TOM1: variants seen among roughly 807,000 people sequenced by gnomAD.
TOM1 encodes target of myb1 membrane trafficking protein.
In TOM1, 38 loss-of-function variants were observed where a neutral mutation model predicts 61.3. The ratio of observed to expected loss-of-function variants is 0.62; its 90% CI spans 0.48 to 0.81. The LOEUF (loss-of-function observed/expected upper bound fraction) is 0.81, where lower values mean the gene tolerates loss of function less well. TOM1 is among the 40% of genes least tolerant of loss of function. TOM1 has a pLI of 0.00. For missense variants in TOM1, 591 were observed against 659.6 expected (o/e 0.90, Z 1.14); for synonymous variants, 270 against 268.8 (o/e 1.00, Z -0.04).
rs199988305 is a variant in TOM1, at chr22:35,323,920, C to T, written c.648+6C>T. The T allele has an allele frequency of 6.1e-5, 94 of 1,549,536 alleles. 1 individual carries two copies. The East Asian group carries it at 1.4e-3, about 22-fold the overall frequency. The stretch of plus-strand genomic sequence containing the variant: ...TAGCACCAACCCCGGAACAGGTAAA[C>T]GAGCCTGGGGTCAGAACCGTCAGGT... On this transcript the variant is annotated splice_donor_region_variant and intron_variant, in intron 6 of 14. Transcript: ENST00000449058. The surrounding 1 kb of genome is among the most constrained non-coding windows in gnomAD (Gnocchi z 4.2).
Position 35,317,962 on chromosome 22 carries a change from G to T in TOM1, c.137+1G>T, listed in dbSNP as rs776356471. 6.2e-7 allele frequency: 1 copy of T among 1,613,726 alleles called. No homozygotes were observed. The highest frequency in any genetic ancestry group is 8.5e-7 in the Non-Finnish European group (1 of 1,179,630). The stretch of plus-strand genomic sequence containing the variant: ...ACATCATCAACGAGACGGAGGAAGG[G>T]TAAGGGCCCCCCAAGGAGAGGTTGG... On this transcript the variant is annotated splice_donor_variant, in intron 2 of 14. Coordinates refer to ENST00000449058, the MANE Select transcript of TOM1 (RefSeq NM_005488.3). LOFTEE classifies it high-confidence loss of function.
chr22:35,323,333 G>T lies in TOM1; in HGVS notation c.366+156G>T. On this transcript the variant is annotated intron_variant, in intron 4 of 14. Coordinates refer to ENST00000449058, the MANE Select transcript of TOM1 (RefSeq NM_005488.3). This position sits in a 1 kb window ranked among gnomAD's most constrained non-coding sequence, Gnocchi z 4.2. ...GGCTGGTGGGATGTTCTGTGGGGAG[G>T]GAGGCTTGCCAACTGCGTGCTTTGC... 7.3e-7 allele frequency: 1 copy of T among 1,369,826 alleles called. No homozygotes were observed. The highest frequency in any genetic ancestry group is 1.3e-5 in the South Asian group (1 of 78,604). 84.9% of individuals were successfully genotyped at this position (1,369,826 alleles called of 1,614,324 possible).
intron 8 of TOM1, among the ~76,000 whole-genome samples, chr22:35,332,474 G>A (rs548242307): frequency 6.6e-6 from 1 of 152,078 alleles, no homozygotes; most frequent in African/African-American, 2.4e-5. Context: ...GCCACGACTT[G>A]AACAGACCCC....
rs1369400760 is a variant in TOM1, at chr22:35,345,788, T to G, written c.1284+4T>G. 1 of 1,613,878 alleles carries G rather than the reference T, an allele frequency of 6.2e-7. No individual in the cohort carries two copies. The highest frequency in any genetic ancestry group is 8.5e-7 in the Non-Finnish European group (1 of 1,179,984). On this transcript the variant is annotated splice_donor_region_variant and intron_variant, in intron 13 of 14. Coordinates refer to ENST00000449058, the MANE Select transcript of TOM1 (RefSeq NM_005488.3). Reference sequence around the variant, plus strand: ...GCAGTGGCTGTCCACTGACGTGGTATGTTGGGGCCCACTCCTCACCCACAC... The same window carrying G: ...GCAGTGGCTGTCCACTGACGTGGTAGGTTGGGGCCCACTCCTCACCCACAC...
intron 1 of TOM1, among the ~76,000 whole-genome samples, chr22:35,306,656 GTGT>G: frequency 1.3e-5 from 2 of 152,184 alleles, no homozygotes; most frequent in Non-Finnish European, 2.9e-5. Flanking sequence ...TAGGGCTGTC[GTGT>G]TGTTGTGCTA....
intron 2 of TOM1, among the ~76,000 whole-genome samples, chr22:35,320,744 G>A (rs1927699260): frequency 6.6e-6 from 1 of 152,112 alleles, no homozygotes; most frequent in East Asian, 1.9e-4. Flanking sequence ...AGGTGGGGAG[G>A]AGGCAGGGCC....
At chr22:35,316,265 T>C (rs1289268008) in intron 1 of TOM1, among the ~76,000 whole-genome samples, 1 of 152,236 alleles carries the variant, frequency 6.6e-6, no homozygotes, top group Non-Finnish European at 1.5e-5. Context: ...GCCTGTCTTA[T>C]CACACAGTCC....
intron 1 of TOM1, among the ~76,000 whole-genome samples, chr22:35,309,808 C>T (rs554942619): frequency 1.1e-4 from 16 of 152,232 alleles, no homozygotes; most frequent in African/African-American, 1.9e-4. Flanking sequence ...TGCATTCTCA[C>T]GGTAGGAAGC....
At chr22:35,320,735 G>T (rs1029971386) in intron 2 of TOM1, among the ~76,000 whole-genome samples, 4 of 152,152 alleles carry the variant, frequency 2.6e-5, no homozygotes, top group African/African-American at 4.8e-5. Context: ...CTCCCCGCAA[G>T]GTGGGGAGGA....
rs61731672 is a variant in TOM1 at position 35,322,007 on chromosome 22, G to A, written c.186G>A (p.Lys62=). 6.2e-7 allele frequency: 1 copy of A among 1,614,170 alleles called. No individual in the cohort carries two copies. Among genetic ancestry groups the A allele is most frequent in the East Asian group, 2.2e-5 (1 of 44,874 alleles). The change falls in exon 3 of 15, where the codon AAG becomes AAA. Residue 62 remains lysine (K), a synonymous_variant. Transcript: ENST00000449058. ...RAVKKRIVGN[K]NFHEVMLALT... ...TAAAGAAGAGAATCGTGGGGAATAAGAACTTCCACGAGGTGATGCTGGCTC... is the reference window on the plus strand; with the variant it reads ...TAAAGAAGAGAATCGTGGGGAATAAAAACTTCCACGAGGTGATGCTGGCTC...
intron 6 of TOM1, among the ~76,000 whole-genome samples, chr22:35,324,865 T>G (rs1928176979): frequency 6.6e-6 from 1 of 152,236 alleles, no homozygotes; most frequent in Admixed American, 6.5e-5. Flanking sequence ...GGTTTGAGGC[T>G]TAGTATGAGA....
intron 1 of TOM1, among the ~76,000 whole-genome samples, chr22:35,311,767 C>G (rs1926846716): frequency 1.3e-5 from 2 of 152,224 alleles, no homozygotes; most frequent in Non-Finnish European, 2.9e-5. Context: ...GCCCCCACGA[C>G]AGTTGGGGAT....
At chr22:35,316,673 C>T (rs1386374476) in intron 1 of TOM1, among the ~76,000 whole-genome samples, 3 of 152,210 alleles carry the variant, frequency 2.0e-5, no homozygotes, top group African/African-American at 7.2e-5. Context: ...GTGAAAATTT[C>T]GTGGAACTGA....
intron 8 of TOM1, chr22:35,331,180 C>T: frequency 2.6e-6 from 1 of 379,100 alleles, no homozygotes; most frequent in South Asian, 2.0e-5. Flanking sequence ...ACTGCAGCCT[C>T]AACCTCCTGG....
chr22:35,330,315 G>T, intron 7 of TOM1, 32 bp from the exon 8 acceptor site: 2 of 1,588,270 alleles, frequency 1.3e-6, no homozygotes, highest in South Asian at 2.3e-5. Context: ...TGAGTCATGT[G>T]ACTGTGGTTG....
rs751440861 is a variant in TOM1, at chr22:35,334,463, C to T, written c.1148+15C>T. ...CAACGGAAAGAGTGAGTGGCCTGGC[C>T]CTGCCCTGGTCCCCTGCAGTTCGGG... On this transcript the variant is annotated intron_variant, in intron 11 of 14. Coordinates refer to ENST00000449058, the MANE Select transcript of TOM1 (RefSeq NM_005488.3). The T allele has an allele frequency of 6.2e-7, 1 of 1,613,600 alleles. No homozygotes were observed. Among genetic ancestry groups the T allele is most frequent in the Non-Finnish European group, 8.5e-7 (1 of 1,179,922 alleles).
chr22:35,318,217 A>G, intron 2 of TOM1: 1 of 557,694 alleles, frequency 1.8e-6, no homozygotes, highest in Non-Finnish European at 3.2e-6. Flanking sequence ...TTCCACACGG[A>G]TCTGGAAGCC....
chr22:35,347,101 G>A lies in TOM1; in HGVS notation c.1371G>A (p.Leu457=). The change falls in exon 15 of 15, where the codon TTG becomes TTA. Residue 457 remains leucine, a synonymous_variant. Transcript: ENST00000449058. ...LEERAKAADR[L]PNLSSPSAEG... ...AACGGGCCAAAGCCGCGGACCGATT[G>A]CCCAACCTCTCCAGCCCCTCAGCTG... is the stretch of plus-strand genomic sequence containing the variant. 2 of 1,613,022 alleles carry A rather than the reference G, an allele frequency of 1.2e-6. No homozygotes were observed. The highest frequency in any genetic ancestry group is 1.7e-6 in the Non-Finnish European group (2 of 1,179,552).
chr22:35,336,697 G>A (rs982229417), intron 11 of TOM1: 17 of 152,394 alleles, frequency 1.1e-4, no homozygotes, highest in African/African-American at 4.1e-4. Context: ...CAGTGGCCCA[G>A]GTGCAGCCCC....
Sources: gnomAD v4.1 joint callset for allele counts (sites outside exome capture counted in the v4.1 genomes callset) on GRCh38, gnomAD v4.1.1 for gene constraint, Gnocchi (gnomAD v3.1) non-coding constraint, MANE v1.5 for transcripts, NCBI Gene and HGNC (gene_info 2026-07-23, HGNC 2026-07-21) for gene names.